PRRC2C: variants seen among roughly 807,000 people sequenced by gnomAD.
PRRC2C encodes the protein proline rich coiled-coil 2C, also known as protein PRRC2C.
In PRRC2C, 72 loss-of-function variants were observed where a neutral mutation model predicts 317.2. The ratio of observed to expected loss-of-function variants is 0.23; its 90% CI spans 0.19 to 0.28. The LOEUF (loss-of-function observed/expected upper bound fraction) is 0.28. PRRC2C is among the 10% of genes least tolerant of loss of function. PRRC2C has a pLI of 1.00. For synonymous variants in PRRC2C, 1,296 were observed against 1,205.9 expected, an observed-to-expected ratio of 1.07 and a Z score of -1.55; for missense variants, 3,074 against 3,459.7, an observed-to-expected ratio of 0.89 and a Z score of 2.80.
chr1:171,559,844 C>T (rs12126218), intron 19 of PRRC2C, among the ~76,000 whole-genome samples: 19,362 of 152,116 alleles, frequency 0.13, 1,613 homozygotes, highest in South Asian at 0.36. Flanking sequence ...TTTAAGCCCA[C>T]TGTTGAGACC....
At chr1:171,573,743 A>C (rs1365064970) in intron 24 of PRRC2C, among the ~76,000 whole-genome samples, 1 of 124,832 alleles carries the variant, frequency 8.0e-6, no homozygotes, top group Admixed American at 1.1e-4. Flanking sequence ...CAGTGGCGCT[A>C]TCTCGGCTCA....
Position 171,536,130 on chromosome 1 carries a change from A to T in PRRC2C, c.2145A>T (p.Pro715=). 1 of 1,586,646 alleles carries T rather than the reference A, an allele frequency of 6.3e-7. No homozygotes were observed. Among genetic ancestry groups the T allele is most frequent in the Non-Finnish European group, 8.6e-7 (1 of 1,165,206 alleles). The change falls in exon 14 of 35, where the codon CCA becomes CCT. Residue 715 remains proline, a synonymous_variant. Transcript: ENST00000647382. ...CCAGTAGTACTGTCCCTCCTCCACC[A>T]CACAGACCTCTTTATCAGCCTATGC... ...QPSSSTVPPP[P]HRPLYQPMQP...
intron 1 of PRRC2C, chr1:171,510,347 A>G (rs1671101249): frequency 6.6e-6 from 1 of 152,176 alleles, no homozygotes; most frequent in African/African-American, 2.4e-5. Flanking sequence ...AGAAAAGTCC[A>G]AGATTTCAGG....
At chr1:171,558,458 A>G (rs1044971173) in intron 19 of PRRC2C, among the ~76,000 whole-genome samples, 7 of 50,178 alleles carry the variant, frequency 1.4e-4, no homozygotes, top group African/African-American at 3.4e-4. Flanking sequence ...GTTCATGGTA[A>G]CTGTCAAGCA....
At chr1:171,503,566 G>A (rs1226851904) in intron 1 of PRRC2C, among the ~76,000 whole-genome samples, 1 of 151,306 alleles carries the variant, frequency 6.6e-6, no homozygotes, top group Non-Finnish European at 1.5e-5. Flanking sequence ...TCAAAGTGAT[G>A]GTGCTATTTT....
intron 18 of PRRC2C, among the ~76,000 whole-genome samples, chr1:171,556,464 G>GT (rs770049716): frequency 2.8e-4 from 43 of 152,300 alleles, no homozygotes; most frequent in Non-Finnish European, 3.2e-4. Context: ...GATGAACCAG[G>GT]TATCTCATTT....
intron 23 of PRRC2C, among the ~76,000 whole-genome samples, chr1:171,570,585 C>A (rs1316886060): frequency 2.0e-5 from 3 of 152,148 alleles, no homozygotes; most frequent in Admixed American, 2.0e-4. Context: ...AACGAACCAT[C>A]CAAAACGTAA....
intron 33 of PRRC2C, among the ~76,000 whole-genome samples, chr1:171,588,970 G>A (rs1313766071): frequency 2.0e-5 from 3 of 152,210 alleles, no homozygotes; most frequent in African/African-American, 7.2e-5. Context: ...TCACAAACTA[G>A]AACTGGTTCC....
intron 18 of PRRC2C, among the ~76,000 whole-genome samples, chr1:171,556,387 G>T (rs1477385351): frequency 6.6e-6 from 1 of 152,202 alleles, no homozygotes; most frequent in Non-Finnish European, 1.5e-5. Context: ...CCTGGGTGAG[G>T]CAATGCCCTG....
chr1:171,590,238 C>G (rs553139476), intron 34 of PRRC2C, among the ~76,000 whole-genome samples: 4 of 152,130 alleles, frequency 2.6e-5, no homozygotes, highest in Non-Finnish European at 5.9e-5. Flanking sequence ...ATGAAGAACT[C>G]AGAAAAGCAC....
At chr1:171,518,449 G>A (rs1460283837) in intron 6 of PRRC2C, among the ~76,000 whole-genome samples, 3 of 112,832 alleles carry the variant, frequency 2.7e-5, no homozygotes, top group Non-Finnish European at 5.9e-5. Context: ...GTTTTTATTT[G>A]TGTACTTTTA....
At chr1:171,510,140 C>G (rs146457674) in intron 1 of PRRC2C, 1 of 152,154 alleles carries the variant, frequency 6.6e-6, no homozygotes, top group African/African-American at 2.4e-5. Context: ...TGTGAGCCAT[C>G]GTGCCCGGCC....
At chr1:171,520,501 T>C (rs1673347728) in intron 6 of PRRC2C, among the ~76,000 whole-genome samples, 1 of 152,254 alleles carries the variant, frequency 6.6e-6, no homozygotes, top group African/African-American at 2.4e-5. Context: ...TAAATATCAC[T>C]ACTGTATACT....
intron 10 of PRRC2C, among the ~76,000 whole-genome samples, chr1:171,525,587 T>G (rs902951815): frequency 3.3e-5 from 5 of 152,202 alleles, no homozygotes; most frequent in Admixed American, 3.3e-4. Context: ...ATGGAGGAAC[T>G]TGTCCCTTCT....
In PRRC2C at chr1:171,517,824, G is replaced by A; in HGVS notation, c.750+10G>A. The A allele has an allele frequency of 1.9e-6, 3 of 1,601,356 alleles. No homozygotes were observed. Among genetic ancestry groups the A allele is most frequent in the East Asian group, 2.2e-5 (1 of 44,612 alleles). Reference sequence around the variant, plus strand: ...TATGATGCCTCCTTATGTGAGTATTGTTAAATGAACAAGCATTCAAACAAG... The same window carrying A: ...TATGATGCCTCCTTATGTGAGTATTATTAAATGAACAAGCATTCAAACAAG... On this transcript the variant is annotated intron_variant, in intron 6 of 34. Coordinates refer to ENST00000647382, the MANE Select transcript of PRRC2C (RefSeq NM_001387844.1).
At chr1:171,561,763 A>G (rs142351203) in intron 20 of PRRC2C, among the ~76,000 whole-genome samples, 36 of 152,340 alleles carry the variant, frequency 2.4e-4, no homozygotes, top group South Asian at 1.0e-3. Context: ...CTTAAGTAGT[A>G]TAAGTATTTA....
chr1:171,511,553 G>A (rs560914288), intron 1 of PRRC2C: 1 of 152,278 alleles, frequency 6.6e-6, no homozygotes, highest in South Asian at 2.1e-4. Context: ...AGAGAACATA[G>A]AACGTTGTTT....
At chr1:171,572,059 T>G (rs1446332191) in intron 24 of PRRC2C, among the ~76,000 whole-genome samples, 1 of 152,154 alleles carries the variant, frequency 6.6e-6, no homozygotes, top group Non-Finnish European at 1.5e-5. Context: ...TACAGTTGTG[T>G]TGTTTGAGAG....
intron 25 of PRRC2C, among the ~76,000 whole-genome samples, chr1:171,576,508 G>A (rs1016692797): frequency 6.6e-6 from 1 of 151,990 alleles, no homozygotes; most frequent in African/African-American, 2.4e-5. Flanking sequence ...TTGACATTTT[G>A]GGCTAGTACT....
Sources: gnomAD v4.1 joint callset for allele counts (sites outside exome capture counted in the v4.1 genomes callset) on GRCh38, gnomAD v4.1.1 for gene constraint, MANE v1.5 for transcripts, NCBI Gene and HGNC (gene_info 2026-07-23, HGNC 2026-07-21) for gene names.